RBFOX1: variants seen among roughly 807,000 people sequenced by gnomAD.
The protein encoded by RBFOX1 is RNA binding protein fox-1 homolog 1.
In RBFOX1, 8 loss-of-function variants were observed where a neutral mutation model predicts 57.7. That is an observed-to-expected ratio of 0.14 (90% CI 0.08 to 0.25). The LOEUF (loss-of-function observed/expected upper bound fraction) is 0.25. RBFOX1 is among the 10% of genes least tolerant of loss of function. The pLI is 1.00. For synonymous variants in RBFOX1, 326 were observed against 222.4 expected (o/e 1.47, Z -4.15); for missense variants, 611 against 548.5 (o/e 1.11, Z -1.14).
At chr16:7,678,529 T>A (rs1464742028) in intron 14 of RBFOX1, among the ~76,000 whole-genome samples, 1 of 152,174 alleles carries the variant, frequency 6.6e-6, no homozygotes, top group East Asian at 1.9e-4. Context: ...ATAATTATAA[T>A]CATAGTAACT....
In RBFOX1 at chr16:6,406,198, T is replaced by C. The variant is rs117310985; in HGVS notation, c.-64+89141T>C. Among the ~76,000 whole-genome samples the C allele has an allele frequency of 8.4e-3, 1,286 of 152,350 alleles. 13 individuals carry two copies. Among genetic ancestry groups the C allele is most frequent in the Middle Eastern group, 0.017 (5 of 294 alleles). On this transcript the variant is annotated intron_variant, in intron 2 of 15. Coordinates refer to ENST00000550418, the MANE Select transcript of RBFOX1 (RefSeq NM_018723.4). ...TTCACTGAAACAGAATGCTCTGTCATTGAAGCATTTCTCTGGGGACCTCAG... is the reference window on the plus strand; with the variant it reads ...TTCACTGAAACAGAATGCTCTGTCACTGAAGCATTTCTCTGGGGACCTCAG...
Position 5,617,915 on chromosome 16 carries a change from A to G in RBFOX1, c.318+18954A>G, listed in dbSNP as rs538644262. ...AAGGTAACACTCTTACCTGGTATCTACTAGGAGGGTATTGTTCAAGCCATC... is the reference window on the plus strand; with the variant it reads ...AAGGTAACACTCTTACCTGGTATCTGCTAGGAGGGTATTGTTCAAGCCATC... On this transcript the variant is annotated intron_variant, in intron 3 of 19. Transcript: ENST00000641259. 1.2e-4 allele frequency among the ~76,000 whole-genome samples: 18 copies of G among 152,326 alleles called. No homozygotes were observed. The East Asian group carries it at 3.5e-3, about 29-fold the overall frequency.
chr16:5,590,786 G>C (rs1041614563), intron 2 of RBFOX1, among the ~76,000 whole-genome samples: 1 of 152,180 alleles, frequency 6.6e-6, no homozygotes, highest in Non-Finnish European at 1.5e-5. Flanking sequence ...GGAGCATTGG[G>C]TTGAAATCTG....
intron 1 of RBFOX1, among the ~76,000 whole-genome samples, chr16:5,423,593 G>A (rs989479493): frequency 1.3e-5 from 2 of 152,164 alleles, no homozygotes; most frequent in African/African-American, 2.4e-5. Context: ...GTGTCTGTGA[G>A]GCCATTGCTG....
intron 3 of RBFOX1, among the ~76,000 whole-genome samples, chr16:5,750,564 T>A (rs541730988): frequency 6.6e-6 from 1 of 152,300 alleles, no homozygotes; most frequent in South Asian, 2.1e-4. Flanking sequence ...GCCTCAGCAA[T>A]GGCAGGCGCC....
At position 6,395,587 on chromosome 16, in the gene RBFOX1, A is replaced by G. The variant is rs2092795493; in HGVS notation, c.-64+78530A>G. ...TGTGTGAAAAAACATATAATTATATACAGAGTTATTACCTTACTACAGATT... is the reference window on the plus strand; with the variant it reads ...TGTGTGAAAAAACATATAATTATATGCAGAGTTATTACCTTACTACAGATT... On this transcript the variant is annotated intron_variant, in intron 2 of 15. Coordinates refer to ENST00000550418, the MANE Select transcript of RBFOX1 (RefSeq NM_018723.4). 2.0e-5 allele frequency among the ~76,000 whole-genome samples: 3 copies of G among 150,928 alleles called. No homozygotes were observed. In the South Asian group the frequency reaches 6.3e-4, roughly 32 times the overall value.
At chr16:6,932,262 C>G (rs971023960) in intron 3 of RBFOX1, among the ~76,000 whole-genome samples, 1 of 152,122 alleles carries the variant, frequency 6.6e-6, no homozygotes, top group Non-Finnish European at 1.5e-5. Context: ...CACCACCACA[C>G]CTGGCTAATT....
intron 4 of RBFOX1, among the ~76,000 whole-genome samples, chr16:7,311,086 C>T: frequency 6.6e-6 from 1 of 152,072 alleles, no homozygotes; most frequent in East Asian, 1.9e-4. Flanking sequence ...CTTTTTTTTC[C>T]ATCTGCCAGA....
intron 3 of RBFOX1, among the ~76,000 whole-genome samples, chr16:5,866,567 T>G (rs181150431): frequency 2.0e-5 from 3 of 152,212 alleles, no homozygotes; most frequent in Non-Finnish European, 2.9e-5. Context: ...TAGGCATAGA[T>G]GAACAATGTT....
intron 4 of RBFOX1, among the ~76,000 whole-genome samples, chr16:5,977,449 G>A (rs555898327): frequency 6.6e-6 from 1 of 152,324 alleles, no homozygotes; most frequent in East Asian, 1.9e-4. Context: ...TGTGTGCGGT[G>A]CAGGGGAGAT....
At chr16:7,464,153 A>G (rs2060067244) in intron 4 of RBFOX1, among the ~76,000 whole-genome samples, 1 of 152,144 alleles carries the variant, frequency 6.6e-6, no homozygotes, top group Non-Finnish European at 1.5e-5. Flanking sequence ...TCCTTAAGAT[A>G]GGGTTACATT....
chr16:6,933,985 C>A (rs901785648), intron 3 of RBFOX1, among the ~76,000 whole-genome samples: 2 of 152,148 alleles, frequency 1.3e-5, no homozygotes, highest in African/African-American at 2.4e-5. Flanking sequence ...TAATGCTCAT[C>A]CTCTCAGCCC....
intron 1 of RBFOX1, among the ~76,000 whole-genome samples, chr16:6,049,275 G>C (rs1185540793): frequency 6.6e-6 from 1 of 151,732 alleles, no homozygotes. Flanking sequence ...TATTGGTCAG[G>C]CTGGTCTCAA....
intron 4 of RBFOX1, among the ~76,000 whole-genome samples, chr16:5,948,678 C>G (rs764392136): frequency 1.1e-4 from 17 of 152,280 alleles, no homozygotes; most frequent in African/African-American, 3.4e-4. Flanking sequence ...CAACAAGAAA[C>G]CGGGAGGGAC....
chr16:7,117,007 C>G (rs1171864842), intron 4 of RBFOX1, among the ~76,000 whole-genome samples: 1 of 151,916 alleles, frequency 6.6e-6, no homozygotes, highest in Non-Finnish European at 1.5e-5. Flanking sequence ...GATACGTAGG[C>G]CAAGAAAGAG....
chr16:6,811,707 T>G (rs966828768), intron 3 of RBFOX1, among the ~76,000 whole-genome samples: 2 of 152,074 alleles, frequency 1.3e-5, no homozygotes, highest in African/African-American at 2.4e-5. Flanking sequence ...CTGGCCAATA[T>G]GGTGAAATCC....
intron 2 of RBFOX1, among the ~76,000 whole-genome samples, chr16:6,527,621 G>GA (rs2096599440): frequency 6.6e-6 from 1 of 152,108 alleles, no homozygotes; most frequent in South Asian, 2.1e-4. Context: ...CAATGATGTG[G>GA]AAACCCCCTT....
intron 3 of RBFOX1, among the ~76,000 whole-genome samples, chr16:7,050,241 C>CTT (rs59142009): frequency 3.5e-5 from 5 of 141,750 alleles, no homozygotes; most frequent in African/African-American, 7.8e-5. Flanking sequence ...TCTTTAGCTT[C>CTT]TTTTTTTTTC....
chr16:6,519,867 C>G (rs1212544622), intron 2 of RBFOX1, among the ~76,000 whole-genome samples: 1 of 152,142 alleles, frequency 6.6e-6, no homozygotes, highest in East Asian at 1.9e-4. Flanking sequence ...AAGGACTTAA[C>G]CAGAACTAAG....
Sources: allele counts gnomAD v4.1 joint callset (sites outside exome capture counted in the v4.1 genomes callset), GRCh38; gene constraint gnomAD v4.1.1; transcripts MANE v1.5; gene names NCBI Gene and HGNC (gene_info 2026-07-23, HGNC 2026-07-21).